Variants in GPALPP1 observed in about 807,000 individuals in gnomAD.
GPALPP1 encodes the protein GPALPP motifs containing 1, also known as GPALPP motifs-containing protein 1.
Under a neutral mutation model 38.9 loss-of-function variants are expected in GPALPP1, and 30 were observed. That is an observed-to-expected ratio of 0.77 (90% confidence interval 0.58 to 1.05). The LOEUF is 1.05. GPALPP1 is among the 50% of genes least tolerant of loss of function. The pLI is 0.00. For missense variants in GPALPP1, 384 were observed against 408.8 expected (o/e 0.94, Z 0.52); for synonymous variants, 120 against 139.2 (o/e 0.86, Z 0.97).
At chr13:45,030,934 T>C (rs1876166158), downstream of GPALPP1, 1 of 152,070 alleles carries the variant, frequency 6.6e-6, no homozygotes, top group African/African-American at 2.4e-5. Context: ...GGTGGGTGGA[T>C]CACCTGAGGT....
chr13:45,019,032 TACATAGAAATATATAA>T lies in GPALPP1; in HGVS notation c.706-1296_706-1281del, dbSNP rs1566081992. ...AAATATATATACACATATAAATATA[TACATAGAAATATATAA>T]ATATAAATATATACATATAAATATA... is the stretch of plus-strand genomic sequence containing the variant. On this transcript the variant is annotated intron_variant, in intron 6 of 7. Coordinates refer to ENST00000379151, the MANE Select transcript of GPALPP1 (RefSeq NM_018559.5). Among the ~76,000 whole-genome samples the T allele has an allele frequency of 8.6e-4, 30 of 34,990 alleles. 2 individuals carry two copies. The highest frequency in any genetic ancestry group is 2.4e-3 in the East Asian group (3 of 1,232). 23.0% of individuals were successfully genotyped at this position (34,990 alleles called of 152,430 possible). A position where few individuals can be genotyped will look rare whatever the true frequency, so the allele number is the denominator to read the frequency against.
At chr13:44,998,516 G>C (rs1268517624) in intron 1 of GPALPP1, among the ~76,000 whole-genome samples, 1 of 151,956 alleles carries the variant, frequency 6.6e-6, no homozygotes, top group East Asian at 1.9e-4. Flanking sequence ...ATCCTCTCTT[G>C]GTTCCAACCA....
chr13:45,036,164 G>C (rs938985381), exon 8 of GPALPP1: 4 of 152,188 alleles, frequency 2.6e-5, no homozygotes, highest in African/African-American at 9.7e-5. Flanking sequence ...CTTGCCTCTT[G>C]AAGAATGGAT....
chr13:45,037,440 T>C (rs1392909028), exon 8 of GPALPP1: 1 of 152,220 alleles, frequency 6.6e-6, no homozygotes, highest in African/African-American at 2.4e-5. Context: ...CAGCCTAAGA[T>C]TGCTAATTTT....
rs954636497 is a variant in GPALPP1, at chr13:45,003,634, A to C, written c.89-671A>C. 2.6e-5 allele frequency among the ~76,000 whole-genome samples: 4 copies of C among 152,216 alleles called. No homozygotes were observed. The East Asian group carries it at 7.7e-4, about 29-fold the overall frequency. On this transcript the variant is annotated intron_variant, in intron 1 of 7. Transcript: ENST00000379151. ...AGTGACATCATGACACTGCAGTGAC[A>C]CCATATAGTAATTTGTAATTTTGCT...
chr13:45,028,656 TGAGGTGGG>T lies in GPALPP1; in HGVS notation c.*654_*661del, dbSNP rs1876012238. 1 of 152,252 alleles carries T rather than the reference TGAGGTGGG, an allele frequency of 6.6e-6. No individual in the cohort carries two copies. The highest frequency in any genetic ancestry group is 1.5e-5 in the Non-Finnish European group (1 of 68,258). 9.4% of individuals were successfully genotyped at this position (152,252 alleles called of 1,614,324 possible). Reference sequence around the variant, plus strand: ...CTATAGTCCCAGCTACTCAGCAGGCTGAGGTGGGAGGATCCCTTGAGCCCAGGAATTCA... The same window carrying T: ...CTATAGTCCCAGCTACTCAGCAGGCTAGGATCCCTTGAGCCCAGGAATTCA... On this transcript the variant is annotated 3_prime_UTR_variant, in exon 8 of 8. Transcript: ENST00000379151.
chr13:44,997,963 C>G (rs1182457371), intron 1 of GPALPP1, among the ~76,000 whole-genome samples: 3 of 152,240 alleles, frequency 2.0e-5, no homozygotes, highest in Non-Finnish European at 2.9e-5. Context: ...TGTTCCCTAA[C>G]TGGGTCCATA....
chr13:45,003,328 G>GTTAT (rs1252283174), intron 1 of GPALPP1, among the ~76,000 whole-genome samples: 2 of 152,084 alleles, frequency 1.3e-5, no homozygotes, highest in Non-Finnish European at 2.9e-5. Flanking sequence ...CATGTTATTT[G>GTTAT]TTATTTATTT....
chr13:44,995,541 C>T (rs976834413), intron 1 of GPALPP1, among the ~76,000 whole-genome samples: 3 of 152,090 alleles, frequency 2.0e-5, no homozygotes, highest in African/African-American at 7.2e-5. Context: ...CTCTTCTTTC[C>T]TCCCCTGACA....
At chr13:45,024,878 G>A (rs111395673) in intron 7 of GPALPP1, among the ~76,000 whole-genome samples, 1 of 152,134 alleles carries the variant, frequency 6.6e-6, no homozygotes, top group African/African-American at 2.4e-5. Flanking sequence ...CCGAGACCCC[G>A]CCATTGCCCT....
downstream of GPALPP1, chr13:45,034,661 A>G (rs1876340121): frequency 6.6e-6 from 1 of 151,932 alleles, no homozygotes; most frequent in African/African-American, 2.4e-5. Flanking sequence ...ATATAGGAAC[A>G]TCTAACCCAG....
chr13:44,990,016 A>G (rs2137937741), intron 1 of GPALPP1: 1 of 536,738 alleles, frequency 1.9e-6, no homozygotes, highest in East Asian at 3.1e-5. Context: ...ACTGACTGAT[A>G]CCCACTCAGT....
intron 7 of GPALPP1, among the ~76,000 whole-genome samples, chr13:45,025,787 TTA>T (rs1875789117): frequency 6.6e-6 from 1 of 150,976 alleles, no homozygotes; most frequent in Admixed American, 6.6e-5. Flanking sequence ...TTTTTTTTTT[TTA>T]AGACAGAGTT....
intron 7 of GPALPP1, among the ~76,000 whole-genome samples, chr13:45,027,541 C>T (rs1258359835): frequency 6.6e-6 from 1 of 152,102 alleles, no homozygotes; most frequent in African/African-American, 2.4e-5. Flanking sequence ...TATGATTGCT[C>T]TTTCTTTCAC....
intron 3 of GPALPP1, among the ~76,000 whole-genome samples, chr13:45,006,630 A>G (rs951836623): frequency 6.6e-6 from 1 of 152,198 alleles, no homozygotes; most frequent in African/African-American, 2.4e-5. Flanking sequence ...CTGGAGCTAG[A>G]ATCTTGATGT....
intron 6 of GPALPP1, among the ~76,000 whole-genome samples, chr13:45,015,800 G>A (rs544307472): frequency 6.6e-6 from 1 of 152,208 alleles, no homozygotes; most frequent in South Asian, 2.1e-4. Context: ...CCAATAAACG[G>A]TCTCATTTAA....
At chr13:44,999,899 C>T (rs1245824957) in intron 1 of GPALPP1, among the ~76,000 whole-genome samples, 1 of 151,978 alleles carries the variant, frequency 6.6e-6, no homozygotes, top group Non-Finnish European at 1.5e-5. Context: ...TTTTATATCG[C>T]CATCTCAGTA....
exon 8 of GPALPP1, chr13:45,036,057 C>A (rs1159277205): frequency 6.6e-6 from 1 of 152,142 alleles, no homozygotes; most frequent in Non-Finnish European, 1.5e-5. Context: ...TATAAACAAT[C>A]CCCTCTCCTT....
chr13:44,990,166 A>T (rs902632287), intron 1 of GPALPP1: 3 of 402,934 alleles, frequency 7.4e-6, no homozygotes, highest in African/African-American at 2.1e-5. Context: ...CCTCTGTGCC[A>T]TATTGCCTTC....
Sources: gnomAD v4.1 joint callset for allele counts (sites outside exome capture counted in the v4.1 genomes callset) on GRCh38, gnomAD v4.1.1 for gene constraint, MANE v1.5 for transcripts, NCBI Gene and HGNC (gene_info 2026-07-23, HGNC 2026-07-21) for gene names.